The following MPP7 variants were observed in gnomAD, a reference collection of about 807,000 sequenced individuals.
MPP7 encodes the protein MAGUK p55 subfamily member 7.
Under a neutral mutation model 76.5 loss-of-function variants are expected in MPP7, and 60 were observed. The ratio of observed to expected loss-of-function variants is 0.78; its 90% confidence interval spans 0.64 to 0.97. The LOEUF is 0.97. Ranked by LOEUF, MPP7 falls within the 50% of genes least tolerant of loss-of-function variation. The pLI, the probability that MPP7 is intolerant of heterozygous loss-of-function variation, is 0.00. For synonymous variants in MPP7, 237 were observed against 244.5 expected, an observed-to-expected ratio of 0.97 and a Z score of 0.29; for missense variants, 641 against 694.0, an observed-to-expected ratio of 0.92 and a Z score of 0.86.
chr10:28,059,078 G>A (rs1275208164), intron 14 of MPP7, among the ~76,000 whole-genome samples: 1 of 152,164 alleles, frequency 6.6e-6, no homozygotes, highest in African/African-American at 2.4e-5. Context: ...GCATTTCGAT[G>A]TTTTAATAAA....
intron 2 of MPP7, among the ~76,000 whole-genome samples, chr10:28,211,922 T>A (rs1387229263): frequency 6.6e-6 from 1 of 151,958 alleles, no homozygotes; most frequent in Non-Finnish European, 1.5e-5. Context: ...CAGAGTTTTG[T>A]GTAAAGGGGT....
chr10:28,177,550 C>T (rs902505899), intron 3 of MPP7, among the ~76,000 whole-genome samples: 5 of 152,074 alleles, frequency 3.3e-5, no homozygotes, highest in Admixed American at 1.3e-4. Flanking sequence ...AAAAATTGTT[C>T]TGTACAATGA....
chr10:28,251,369 G>A (rs1839607917), intron 1 of MPP7, among the ~76,000 whole-genome samples: 1 of 152,054 alleles, frequency 6.6e-6, no homozygotes, highest in South Asian at 2.1e-4. Flanking sequence ...GGCTGAGGCA[G>A]GATAATTGCT....
chr10:28,157,104 G>A (rs1402561157), intron 3 of MPP7, among the ~76,000 whole-genome samples: 1 of 152,024 alleles, frequency 6.6e-6, no homozygotes, highest in Non-Finnish European at 1.5e-5. Flanking sequence ...CAGCTACTCG[G>A]GAGGCTGAGA....
chr10:28,328,419 G>A (rs1039973449), intron 2 of MPP7, among the ~76,000 whole-genome samples: 2 of 152,130 alleles, frequency 1.3e-5, no homozygotes, highest in African/African-American at 4.8e-5. Flanking sequence ...TAGAGTTTAA[G>A]TTTATAAGCC....
Position 28,124,055 on chromosome 10 carries a change from C to A in MPP7, c.591G>T (p.Arg197Ser), listed in dbSNP as rs777843787. ...CCAAAATCTGTATTATTTCCTCAGG[C>A]CTTTTATCCTCCACTGGTATCCCGT... ...EVNGIPVEDK[R>S]PEEIIQILAQ... Residue 197 changes from arginine to serine, a missense_variant, in exon 8 of 17, where the codon AGG becomes AGT. Coordinates refer to ENST00000683449, the MANE Select transcript of MPP7 (RefSeq NM_001318170.2). The A allele has an allele frequency of 1.4e-5, 23 of 1,610,712 alleles. No homozygotes were observed. In the Admixed American group the frequency reaches 1.8e-4, roughly 13 times the overall value.
At chr10:28,223,572 C>T (rs564788700) in intron 2 of MPP7, among the ~76,000 whole-genome samples, 43 of 152,164 alleles carry the variant, frequency 2.8e-4, no homozygotes, top group African/African-American at 9.6e-4. Context: ...TTGCTTATTG[C>T]CATTTGTGTT....
chr10:28,111,974 A>C (rs1410047892), intron 11 of MPP7, among the ~76,000 whole-genome samples: 1 of 152,108 alleles, frequency 6.6e-6, no homozygotes, highest in African/African-American at 2.4e-5. Flanking sequence ...CAAAGAAAAC[A>C]CTTCCAGGAA....
chr10:28,246,478 A>G (rs1839438869), intron 1 of MPP7, among the ~76,000 whole-genome samples: 1 of 152,220 alleles, frequency 6.6e-6, no homozygotes. Flanking sequence ...AGAACGCTAG[A>G]CGGCAACATG....
intron 1 of MPP7, among the ~76,000 whole-genome samples, chr10:28,273,281 A>T (rs1840386217): frequency 6.6e-6 from 1 of 152,226 alleles, no homozygotes; most frequent in East Asian, 1.9e-4. Flanking sequence ...AGCAATCTGG[A>T]ATCATCTAAA....
upstream of MPP7, among the ~76,000 whole-genome samples, chr10:28,306,413 G>A (rs1023931550): frequency 3.9e-5 from 6 of 152,244 alleles, no homozygotes; most frequent in African/African-American, 1.4e-4. Context: ...CAACTTTGGA[G>A]GCCAAGGTGG....
intron 2 of MPP7, among the ~76,000 whole-genome samples, chr10:28,326,503 G>A (rs889783399): frequency 6.6e-6 from 1 of 152,078 alleles, no homozygotes; most frequent in Admixed American, 6.6e-5. Flanking sequence ...TCAATGCTCC[G>A]GGCTCAATTT....
Position 28,274,246 on chromosome 10 carries a change from G to A in MPP7, c.-132+28615C>T, listed in dbSNP as rs536224707. Among the ~76,000 whole-genome samples the A allele has an allele frequency of 5.9e-5, 9 of 151,662 alleles. No individual in the cohort carries two copies. The South Asian group carries it at 1.9e-3, about 32-fold the overall frequency. On this transcript the variant is annotated intron_variant, in intron 1 of 16. Transcript: ENST00000683449. ...GCCTCCCGAGTAGCTGGGACTATAG[G>A]AGCCAGCCACCACGCCCGGCTAATT...
chr10:28,058,923 C>T (rs1349526278), intron 14 of MPP7, among the ~76,000 whole-genome samples: 3 of 152,110 alleles, frequency 2.0e-5, no homozygotes, highest in Non-Finnish European at 4.4e-5. Context: ...ATAAGCCAAA[C>T]AATAGAAACT....
intron 12 of MPP7, among the ~76,000 whole-genome samples, chr10:28,070,383 A>G (rs112364058): frequency 0.03 from 4,515 of 152,300 alleles, 215 homozygotes; most frequent in African/African-American, 0.1. Flanking sequence ...TGGGTGACAG[A>G]GTGAGACTCC....
chr10:28,222,995 G>A (rs912772862), intron 2 of MPP7, among the ~76,000 whole-genome samples: 9 of 151,508 alleles, frequency 5.9e-5, no homozygotes, highest in Admixed American at 2.6e-4. Context: ...TGAGCCAGGC[G>A]TGGTGGCAGG....
At chr10:28,260,796 T>A (rs924421614) in intron 1 of MPP7, among the ~76,000 whole-genome samples, 1 of 147,108 alleles carries the variant, frequency 6.8e-6, no homozygotes, top group African/African-American at 2.6e-5. Context: ...AAAAAAAAAT[T>A]TTTTTTAAAT....
intron 11 of MPP7, among the ~76,000 whole-genome samples, chr10:28,093,393 A>C (rs1233397720): frequency 6.6e-6 from 1 of 152,200 alleles, no homozygotes; most frequent in Non-Finnish European, 1.5e-5. Context: ...CTTGAATTTC[A>C]ATGTGCTTAC....
At chr10:28,325,999 C>A (rs11007023) in intron 2 of MPP7, among the ~76,000 whole-genome samples, 20,273 of 146,120 alleles carry the variant, frequency 0.14, 2,183 homozygotes, top group East Asian at 0.4. Context: ...AAAAAAAATT[C>A]CTTAAAGAGA....
Sources: allele counts gnomAD v4.1 joint callset (sites outside exome capture counted in the v4.1 genomes callset), GRCh38; gene constraint gnomAD v4.1.1; transcripts MANE v1.5; gene names NCBI Gene and HGNC (gene_info 2026-07-23, HGNC 2026-07-21).